MEGF10: variants seen among roughly 807,000 people sequenced by gnomAD.
MEGF10 encodes the protein multiple epidermal growth factor-like domains protein 10.
MEGF10 carries 86 observed loss-of-function variants against 147.5 expected under a neutral mutation model. The ratio of observed to expected loss-of-function variants is 0.58; its 90% CI spans 0.49 to 0.70. The LOEUF is 0.70. MEGF10 is among the 30% of genes least tolerant of loss of function. MEGF10 has a pLI of 0.00. For synonymous variants in MEGF10, 478 were observed against 525.5 expected (o/e 0.91, Z 1.24); for missense variants, 1,329 against 1,487.3 (o/e 0.89, Z 1.75).
chr5:127,413,289 A>C (rs1458554013), intron 9 of MEGF10, among the ~76,000 whole-genome samples: 5 of 152,216 alleles, frequency 3.3e-5, no homozygotes, highest in Admixed American at 3.3e-4. Context: ...ATTTTGAACA[A>C]GAAAATAAAA....
chr5:127,267,236 G>A, the MEGF10 span, among the ~76,000 whole-genome samples: 36 of 152,118 alleles, frequency 2.4e-4, no homozygotes, highest in Non-Finnish European at 4.4e-4. Flanking sequence ...ATTGATTTGT[G>A]TATGTTGAAC....
intron 2 of MEGF10, among the ~76,000 whole-genome samples, chr5:127,337,177 C>T (rs1015783468): frequency 2.6e-5 from 4 of 152,034 alleles, no homozygotes; most frequent in African/African-American, 4.8e-5. Context: ...TAGTAAGGTT[C>T]GACATTTTCC....
Position 127,457,174 on chromosome 5 carries a change from T to G in MEGF10, c.3279T>G (p.Arg1093=). The change falls in exon 25 of 25, where the codon CGT becomes CGG. Residue 1093 remains arginine (R), a synonymous_variant. Coordinates refer to ENST00000503335, the MANE Select transcript of MEGF10 (RefSeq NM_001256545.2). ...AAGGAGTATTCAGCAATAATGGGCGTCTCTCCCAGGATCCATATGACCTCC... is the reference window on the plus strand; with the variant it reads ...AAGGAGTATTCAGCAATAATGGGCGGCTCTCCCAGGATCCATATGACCTCC... ...VVQGVFSNNG[R]LSQDPYDLPK... is the part of the protein sequence containing the mutation. 6.2e-7 allele frequency: 1 copy of G among 1,614,026 alleles called. No homozygotes were observed. The highest frequency in any genetic ancestry group is 8.5e-7 in the Non-Finnish European group (1 of 1,179,980).
intron 8 of MEGF10, chr5:127,409,844 A>T (rs2126950703): frequency 6.4e-6 from 1 of 157,198 alleles, no homozygotes; most frequent in African/African-American, 2.4e-5. Context: ...CTTATTAGTT[A>T]AAGAACTTTC....
At chr5:127,253,195 T>A in the MEGF10 span, among the ~76,000 whole-genome samples, 1 of 152,004 alleles carries the variant, frequency 6.6e-6, no homozygotes, top group South Asian at 2.1e-4. Flanking sequence ...CACCTATTGA[T>A]CTATTTGTTT....
At chr5:127,246,755 C>A in the MEGF10 span, among the ~76,000 whole-genome samples, 1 of 113,410 alleles carries the variant, frequency 8.8e-6, no homozygotes, top group African/African-American at 3.3e-5. Flanking sequence ...TTTATATTTA[C>A]ATAAAATATT....
chr5:127,269,498 G>A, the MEGF10 span, among the ~76,000 whole-genome samples: 1 of 152,204 alleles, frequency 6.6e-6, no homozygotes, highest in Non-Finnish European at 1.5e-5. Context: ...AGTGATGGAA[G>A]ATCAAATGAA....
the MEGF10 span, among the ~76,000 whole-genome samples, chr5:127,256,653 T>A: frequency 6.6e-6 from 1 of 152,166 alleles, no homozygotes; most frequent in African/African-American, 2.4e-5. Context: ...CTCCCTTGCT[T>A]TGAGTAAAGT....
intron 16 of MEGF10, among the ~76,000 whole-genome samples, chr5:127,437,037 C>A (rs1765575254): frequency 6.6e-6 from 1 of 152,088 alleles, no homozygotes; most frequent in Non-Finnish European, 1.5e-5. Context: ...CTGATCATAA[C>A]AAATATAGGG....
intron 12 of MEGF10, among the ~76,000 whole-genome samples, chr5:127,421,635 A>G (rs1765008741): frequency 6.6e-6 from 1 of 152,192 alleles, no homozygotes; most frequent in South Asian, 2.1e-4. Flanking sequence ...GAAGGGGAGG[A>G]GCAAGGAGGT....
the MEGF10 span, among the ~76,000 whole-genome samples, chr5:127,271,169 A>G: frequency 6.6e-6 from 1 of 152,146 alleles, no homozygotes; most frequent in Admixed American, 6.5e-5. Flanking sequence ...ACTAATTTAC[A>G]CTCCTACCAA....
At chr5:127,245,439 C>T in the MEGF10 span, among the ~76,000 whole-genome samples, 2 of 152,128 alleles carry the variant, frequency 1.3e-5, no homozygotes, top group Non-Finnish European at 2.9e-5. Flanking sequence ...CTTCCTTACA[C>T]CTTATACAAA....
Position 127,445,389 on chromosome 5 carries a change from T to C in MEGF10, c.2492-68T>C. On this transcript the variant is annotated intron_variant, in intron 19 of 24. Transcript: ENST00000503335. ...AGGCATTAGCACAGAAGGAGGTTTT[T>C]GTAAGTAGAGATCAAACGTTTATCC... is the stretch of plus-strand genomic sequence containing the variant. 3 of 1,236,084 alleles carry C rather than the reference T, an allele frequency of 2.4e-6. No individual in the cohort carries two copies. In the East Asian group the frequency reaches 7.0e-5, roughly 29 times the overall value. 76.6% of individuals were successfully genotyped at this position (1,236,084 alleles called of 1,614,324 possible). A position where few individuals can be genotyped will look rare whatever the true frequency, so the allele number is the denominator to read the frequency against.
intron 23 of MEGF10, 128 bp from the exon 24 acceptor site, chr5:127,455,272 AG>A (rs1766315162): frequency 1.2e-6 from 1 of 823,520 alleles, no homozygotes; most frequent in Non-Finnish European, 2.0e-6. Flanking sequence ...CAAGTGGAAA[AG>A]GTACAGTATT....
At chr5:127,242,922 CA>C in the MEGF10 span, among the ~76,000 whole-genome samples, 1 of 152,082 alleles carries the variant, frequency 6.6e-6, no homozygotes, top group Admixed American at 6.6e-5. Context: ...AGTATCTAGC[CA>C]AAAGAGCCTG....
At chr5:127,247,437 G>A in the MEGF10 span, among the ~76,000 whole-genome samples, 1 of 109,754 alleles carries the variant, frequency 9.1e-6, no homozygotes, top group African/African-American at 4.5e-5. Context: ...AGAAGAAGAA[G>A]AAGAAGAAGA....
At chr5:127,401,098 G>A (rs1820085) in intron 7 of MEGF10, among the ~76,000 whole-genome samples, 1 of 152,132 alleles carries the variant, frequency 6.6e-6, no homozygotes. Context: ...ACCATTGTGG[G>A]TAGTTAAGTC....
chr5:127,422,879 A>C (rs1205544201), intron 13 of MEGF10, 107 bp downstream of exon 13: 1 of 825,458 alleles, frequency 1.2e-6, no homozygotes, highest in South Asian at 1.6e-5. Flanking sequence ...TTTCAAAAAA[A>C]ATGAAAATTC....
At chr5:127,273,338 G>A in the MEGF10 span, among the ~76,000 whole-genome samples, 1 of 152,126 alleles carries the variant, frequency 6.6e-6, no homozygotes, top group Non-Finnish European at 1.5e-5. Flanking sequence ...ATTGCCCCAC[G>A]CTGCTGCATG....
Sources: allele counts gnomAD v4.1 joint callset (sites outside exome capture counted in the v4.1 genomes callset), GRCh38; gene constraint gnomAD v4.1.1; transcripts MANE v1.5; gene names NCBI Gene and HGNC (gene_info 2026-07-23, HGNC 2026-07-21).